Variants in FRMD4B observed in about 807,000 individuals in gnomAD.
FRMD4B encodes the protein FERM domain containing 4B.
A neutral mutation model predicts 141.5 loss-of-function variants in FRMD4B; 74 were observed. The observed-to-expected ratio is 0.52, with a 90% confidence interval of 0.43 to 0.63. FRMD4B has a LOEUF of 0.63. Ranked by LOEUF, FRMD4B falls within the 30% of genes least tolerant of loss-of-function variation. The pLI is 0.00. For missense variants in FRMD4B, 1,366 were observed against 1,253.4 expected (o/e 1.09, Z -1.36); for synonymous variants, 506 against 467.9 (o/e 1.08, Z -1.05).
In FRMD4B at chr3:69,194,828, T is replaced by C. The variant is rs143678446; in HGVS notation, c.1488+194A>G. On this transcript the variant is annotated intron_variant, in intron 16 of 22. Transcript: ENST00000398540. The stretch of plus-strand genomic sequence containing the variant: ...CACTGAATGCCTATGATTTGGGGAG[T>C]AAATTAGTGAGAAGTAACTCAATTT... 1.6e-3 allele frequency among the ~76,000 whole-genome samples: 250 copies of C among 152,240 alleles called. 1 individual carries two copies. The highest frequency in any genetic ancestry group is 5.5e-3 in the African/African-American group (229 of 41,542).
intron 8 of FRMD4B, among the ~76,000 whole-genome samples, chr3:69,223,819 A>C (rs1459783439): frequency 6.6e-6 from 1 of 152,140 alleles, no homozygotes; most frequent in Non-Finnish European, 1.5e-5. Context: ...ACAGAGCAAG[A>C]CTCTGTCTCA....
At chr3:69,427,284 ATATAATATATT>A (rs1705098118) in intron 2 of FRMD4B, among the ~76,000 whole-genome samples, 1 of 148,118 alleles carries the variant, frequency 6.8e-6, no homozygotes, top group Non-Finnish European at 1.5e-5. Context: ...TTTATATGTT[ATATAATATATT>A]TATAATATAT....
At chr3:69,362,042 G>A (rs1422532819) in intron 1 of FRMD4B, among the ~76,000 whole-genome samples, 1 of 152,178 alleles carries the variant, frequency 6.6e-6, no homozygotes, top group East Asian at 1.9e-4. Flanking sequence ...AGTTATTTTA[G>A]TGACTGTGAA....
chr3:69,533,289 A>T (rs1559555314), intron 1 of FRMD4B, among the ~76,000 whole-genome samples: 3 of 152,214 alleles, frequency 2.0e-5, no homozygotes. Context: ...GTCAAGGACA[A>T]CAAAAAGCAG....
chr3:69,180,798 A>G, intron 21 of FRMD4B, 101 bp downstream of exon 21: 1 of 768,404 alleles, frequency 1.3e-6, no homozygotes, highest in South Asian at 1.8e-5. Context: ...CCCACTTTTG[A>G]CCCTGAGTAC....
intron 1 of FRMD4B, among the ~76,000 whole-genome samples, chr3:69,517,767 C>A (rs900775340): frequency 6.6e-6 from 1 of 152,180 alleles, no homozygotes; most frequent in Admixed American, 6.6e-5. Context: ...TCCTTACTGC[C>A]TTCAGCTCAA....
At chr3:69,185,031 C>T (rs1170370365) in intron 19 of FRMD4B, among the ~76,000 whole-genome samples, 2 of 152,068 alleles carry the variant, frequency 1.3e-5, no homozygotes, top group African/African-American at 4.8e-5. Context: ...TGACCTGGCG[C>T]GGTGGCTCAT....
chr3:69,282,489 T>C (rs1204452402), intron 5 of FRMD4B, among the ~76,000 whole-genome samples: 1 of 152,240 alleles, frequency 6.6e-6, no homozygotes, highest in East Asian at 1.9e-4. Context: ...TAAAACTTAT[T>C]TGTCTCTGTG....
chr3:69,328,232 C>T (rs1341559193), intron 1 of FRMD4B, among the ~76,000 whole-genome samples: 6 of 152,256 alleles, frequency 3.9e-5, no homozygotes, highest in East Asian at 3.9e-4. Context: ...GGTAATAAAA[C>T]TCTTCACTTT....
chr3:69,229,559 C>T (rs1263923829), intron 7 of FRMD4B, among the ~76,000 whole-genome samples: 2 of 152,100 alleles, frequency 1.3e-5, no homozygotes, highest in African/African-American at 2.4e-5. Flanking sequence ...AGAAAGCCAG[C>T]AGAATAATCG....
chr3:69,533,028 A>G (rs1701026283), intron 1 of FRMD4B, among the ~76,000 whole-genome samples: 1 of 152,254 alleles, frequency 6.6e-6, no homozygotes, highest in Non-Finnish European at 1.5e-5. Flanking sequence ...CTGTGACAAC[A>G]CATTCAGTGT....
intron 11 of FRMD4B, among the ~76,000 whole-genome samples, chr3:69,205,393 G>A (rs2093014906): frequency 6.6e-6 from 1 of 152,128 alleles, no homozygotes. Flanking sequence ...ATTTCTTGTA[G>A]AGATGGGGTC....
At chr3:69,536,363 G>T in intron 1 of FRMD4B, 1 of 689,664 alleles carries the variant, frequency 1.4e-6, no homozygotes, top group South Asian at 1.6e-5. Flanking sequence ...GAGTTGAGGG[G>T]CCTGGCGAGG....
intron 1 of FRMD4B, among the ~76,000 whole-genome samples, chr3:69,352,670 C>T (rs1371150120): frequency 6.6e-6 from 1 of 152,138 alleles, no homozygotes; most frequent in Non-Finnish European, 1.5e-5. Flanking sequence ...AAAAAACCTT[C>T]CCTTTAATAA....
rs979687373 is a variant in FRMD4B at position 69,277,065 on chromosome 3, T to C, written c.501+10687A>G. Among the ~76,000 whole-genome samples the C allele has an allele frequency of 7.9e-5, 12 of 152,236 alleles. No individual in the cohort carries two copies. The East Asian group carries it at 2.3e-3, about 29-fold the overall frequency. ...ACCTAATAAGGTCTTGGTTAAGAAA[T>C]GGGGTAAGAGGGAAGATAAAAATAA... is the stretch of plus-strand genomic sequence containing the variant. On this transcript the variant is annotated intron_variant, in intron 5 of 22. Transcript: ENST00000398540.
chr3:69,250,281 C>CTGTG (rs780190498), intron 5 of FRMD4B, 182 bp from the exon 6 acceptor site: 251 of 511,536 alleles, frequency 4.9e-4, no homozygotes, highest in Admixed American at 7.5e-4. Context: ...GGCGAAACCA[C>CTGTG]TGTGTGTGCG....
At chr3:69,396,402 G>A (rs1704474607) in intron 2 of FRMD4B, among the ~76,000 whole-genome samples, 1 of 152,142 alleles carries the variant, frequency 6.6e-6, no homozygotes, top group African/African-American at 2.4e-5. Flanking sequence ...TTACTTGGCA[G>A]GGTGAGGCAG....
At chr3:69,506,023 C>G (rs577597403) in intron 1 of FRMD4B, among the ~76,000 whole-genome samples, 25 of 152,272 alleles carry the variant, frequency 1.6e-4, no homozygotes, top group Middle Eastern at 3.4e-3. Flanking sequence ...GAAAAATATT[C>G]GCTGAATGCT....
chr3:69,332,463 T>A (rs1194790514), intron 1 of FRMD4B, among the ~76,000 whole-genome samples: 3 of 152,200 alleles, frequency 2.0e-5, no homozygotes, highest in African/African-American at 7.2e-5. Flanking sequence ...CGGCCTCAGG[T>A]GAGGATGGCC....
Sources: allele counts gnomAD v4.1 joint callset (sites outside exome capture counted in the v4.1 genomes callset), GRCh38; gene constraint gnomAD v4.1.1; transcripts MANE v1.5; gene names NCBI Gene and HGNC (gene_info 2026-07-23, HGNC 2026-07-21).